The following RBFOX1 variants were observed in gnomAD, a reference collection of about 807,000 sequenced individuals.
RBFOX1 encodes RNA binding protein fox-1 homolog 1.
Under a neutral mutation model 57.7 loss-of-function variants are expected in RBFOX1, and 8 were observed. That is an observed-to-expected ratio of 0.14 (90% CI 0.08 to 0.25). RBFOX1 has a LOEUF of 0.25. Among genes scored for constraint, RBFOX1 ranks in the 10% least tolerant of loss-of-function variants. The probability of loss-of-function intolerance (pLI) is 1.00; values close to 1 mark genes in which losing one functional copy is unlikely to be tolerated. For missense variants in RBFOX1, 611 were observed against 548.5 expected (o/e 1.11, Z -1.14); for synonymous variants, 326 against 222.4 (o/e 1.47, Z -4.15).
chr16:6,764,870 A>T (rs2154201570), intron 3 of RBFOX1, among the ~76,000 whole-genome samples: 1 of 152,168 alleles, frequency 6.6e-6, no homozygotes, highest in Middle Eastern at 3.4e-3. Context: ...CCAGAAGGTG[A>T]AGGTTGCAGT....
At chr16:7,085,773 G>A (rs577531278) in intron 4 of RBFOX1, among the ~76,000 whole-genome samples, 43 of 152,276 alleles carry the variant, frequency 2.8e-4, no homozygotes, top group African/African-American at 9.9e-4. Context: ...TAATGACAGA[G>A]TGTGTTCAGA....
At chr16:5,502,779 A>G (rs1408651894) in intron 2 of RBFOX1, among the ~76,000 whole-genome samples, 1 of 152,142 alleles carries the variant, frequency 6.6e-6, no homozygotes, top group Non-Finnish European at 1.5e-5. Context: ...GAAGGCTGGA[A>G]CTTTATCAGA....
At chr16:7,442,388 C>A (rs180868030) in intron 4 of RBFOX1, among the ~76,000 whole-genome samples, 1 of 152,236 alleles carries the variant, frequency 6.6e-6, no homozygotes, top group South Asian at 2.1e-4. Context: ...ACGTAAGGAG[C>A]AGCATTTGTC....
At chr16:6,059,628 A>T (rs2152456103) in intron 1 of RBFOX1, among the ~76,000 whole-genome samples, 1 of 152,250 alleles carries the variant, frequency 6.6e-6, no homozygotes, top group East Asian at 1.9e-4. Flanking sequence ...TATATTTTTG[A>T]CACTTGAGGT....
chr16:6,892,470 G>T (rs898858313), intron 3 of RBFOX1, among the ~76,000 whole-genome samples: 1 of 152,102 alleles, frequency 6.6e-6, no homozygotes, highest in African/African-American at 2.4e-5. Context: ...AGACGTTTGA[G>T]ACCAGCCTGG....
At chr16:6,319,179 G>A (rs1237203066) in intron 2 of RBFOX1, among the ~76,000 whole-genome samples, 1 of 152,092 alleles carries the variant, frequency 6.6e-6, no homozygotes, top group Admixed American at 6.6e-5. Flanking sequence ...ATTTGTACAT[G>A]GCTGACACTG....
At chr16:6,940,424 A>G (rs2078171038) in intron 3 of RBFOX1, among the ~76,000 whole-genome samples, 2 of 152,204 alleles carry the variant, frequency 1.3e-5, no homozygotes, top group Admixed American at 1.3e-4. Context: ...AAGCTCCTTT[A>G]ATCTTCTCTC....
At chr16:6,895,339 A>G (rs969606040) in intron 3 of RBFOX1, among the ~76,000 whole-genome samples, 1 of 150,910 alleles carries the variant, frequency 6.6e-6, no homozygotes, top group Non-Finnish European at 1.5e-5. Flanking sequence ...TTTACTAAAT[A>G]TGGAATGGAA....
chr16:6,849,152 G>A (rs1314106939), intron 3 of RBFOX1, among the ~76,000 whole-genome samples: 1 of 152,118 alleles, frequency 6.6e-6, no homozygotes, highest in Non-Finnish European at 1.5e-5. Context: ...TGAAACAAAG[G>A]AACCAAGTAA....
intron 4 of RBFOX1, among the ~76,000 whole-genome samples, chr16:7,374,261 C>G (rs962880351): frequency 1.3e-5 from 2 of 152,166 alleles, no homozygotes; most frequent in African/African-American, 4.8e-5. Flanking sequence ...TTATCTTTTT[C>G]TGAGGCTCCG....
chr16:6,255,558 A>T (rs1383619781), intron 1 of RBFOX1, among the ~76,000 whole-genome samples: 1 of 152,168 alleles, frequency 6.6e-6, no homozygotes, highest in African/African-American at 2.4e-5. Flanking sequence ...GTGGGTGCCA[A>T]CAGGAGGAAT....
intron 11 of RBFOX1, among the ~76,000 whole-genome samples, chr16:7,644,014 G>A (rs1032319850): frequency 2.0e-5 from 3 of 152,176 alleles, no homozygotes; most frequent in Non-Finnish European, 2.9e-5. Flanking sequence ...GATATAGGGA[G>A]ATGATGTAGC....
At position 6,946,848 on chromosome 16, in the gene RBFOX1, A is replaced by G. The variant is rs1185805791; in HGVS notation, c.-15-105209A>G. 2.6e-5 allele frequency among the ~76,000 whole-genome samples: 4 copies of G among 152,108 alleles called. No individual in the cohort carries two copies. In the East Asian group the frequency reaches 7.7e-4, roughly 29 times the overall value. On this transcript the variant is annotated intron_variant, in intron 3 of 15. Coordinates refer to ENST00000550418, the MANE Select transcript of RBFOX1 (RefSeq NM_018723.4). Reference sequence around the variant, plus strand: ...GTCTCCAGTTTCTGAATCTCAAGCAATCCTCCTGCCTTGGCCTCCCCAAGT... The same window carrying G: ...GTCTCCAGTTTCTGAATCTCAAGCAGTCCTCCTGCCTTGGCCTCCCCAAGT...
chr16:6,763,753 C>T (rs560443972), intron 3 of RBFOX1, among the ~76,000 whole-genome samples: 7 of 152,320 alleles, frequency 4.6e-5, no homozygotes, highest in South Asian at 4.1e-4. Context: ...AACCACTGGA[C>T]GGATTCCACA....
intron 2 of RBFOX1, among the ~76,000 whole-genome samples, chr16:6,520,695 C>T (rs111930270): frequency 2.6e-5 from 4 of 152,112 alleles, no homozygotes; most frequent in Admixed American, 6.5e-5. Flanking sequence ...CAGCAGGAAC[C>T]CTGCTTAGTT....
At chr16:6,656,556 T>C (rs1272547883) in intron 3 of RBFOX1, among the ~76,000 whole-genome samples, 1 of 151,744 alleles carries the variant, frequency 6.6e-6, no homozygotes, top group East Asian at 2.0e-4. Context: ...ATGGTCATAC[T>C]GTGCATATGT....
At chr16:6,760,928 C>A (rs940733456) in intron 3 of RBFOX1, among the ~76,000 whole-genome samples, 2 of 152,182 alleles carry the variant, frequency 1.3e-5, no homozygotes, top group Non-Finnish European at 2.9e-5. Context: ...CTGGTCAATG[C>A]CACCCATCAG....
chr16:7,233,631 G>C (rs935227686), intron 4 of RBFOX1, among the ~76,000 whole-genome samples: 4 of 152,182 alleles, frequency 2.6e-5, no homozygotes, highest in African/African-American at 9.7e-5. Flanking sequence ...GTGGACATCC[G>C]ATTGTTTCCC....
chr16:6,983,928 C>T (rs568322029), intron 3 of RBFOX1, among the ~76,000 whole-genome samples: 8 of 152,148 alleles, frequency 5.3e-5, no homozygotes, highest in Non-Finnish European at 1.2e-4. Context: ...CATAAGAGCA[C>T]AGTCTCTGCA....
Sources: gnomAD v4.1 joint callset for allele counts (sites outside exome capture counted in the v4.1 genomes callset) on GRCh38, gnomAD v4.1.1 for gene constraint, MANE v1.5 for transcripts, NCBI Gene and HGNC (gene_info 2026-07-23, HGNC 2026-07-21) for gene names.